The following TNS4 variants were observed in gnomAD, a reference collection of about 807,000 sequenced individuals.
TNS4 encodes tensin 4, also known as tensin-4.
Under a neutral mutation model 70.4 loss-of-function variants are expected in TNS4, and 46 were observed. The ratio of observed to expected loss-of-function variants is 0.65; its 90% confidence interval spans 0.52 to 0.84. The LOEUF (loss-of-function observed/expected upper bound fraction) is 0.84. Among genes scored for constraint, TNS4 ranks in the 40% least tolerant of loss-of-function variants. The probability of loss-of-function intolerance (pLI) is 0.00; values close to 1 mark genes in which losing one functional copy is unlikely to be tolerated. For synonymous variants in TNS4, 390 were observed against 366.6 expected (o/e 1.06, Z -0.73); for missense variants, 863 against 907.0 (o/e 0.95, Z 0.62).
intron 7 of TNS4, 26 bp downstream of exon 7, chr17:40,482,298 G>A (rs762371642): frequency 1.2e-6 from 2 of 1,614,086 alleles, no homozygotes; most frequent in South Asian, 1.1e-5. Flanking sequence ...CCATCCCGGG[G>A]GAGCCTGGAG....
Position 40,488,748 on chromosome 17 carries a change from G to A in TNS4, c.661C>T (p.Leu221Phe). ...HQRPLPPSEG[L>F]SPRPPNSPSI... is the part of the protein sequence containing the mutation. Reference sequence around the variant, plus strand: ...GGGGAATTTGGGGGTCGAGGGGAGAGACCCTCTGAGGGGGGCAGAGGGCGC... The same window carrying A: ...GGGGAATTTGGGGGTCGAGGGGAGAAACCCTCTGAGGGGGGCAGAGGGCGC... Residue 221 changes from leucine to phenylalanine, a missense_variant, in exon 3 of 13, where the codon CTC (leucine) becomes TTC (phenylalanine). Transcript: ENST00000254051. 1 of 1,600,194 alleles carries A rather than the reference G, an allele frequency of 6.2e-7. No individual in the cohort carries two copies.
In TNS4 at chr17:40,476,044, G is replaced by GT. The variant is rs926697874; in HGVS notation, c.*1543dup. ...CAGGCCCAGGGCTGAAATCATAACC[G>GT]TCAGGCCCAGCCTTGGCCAAAGATA... is the stretch of plus-strand genomic sequence containing the variant. On this transcript the variant is annotated 3_prime_UTR_variant, in exon 13 of 13. Transcript: ENST00000254051. 1.3e-5 allele frequency: 2 copies of GT among 152,108 alleles called. No individual in the cohort carries two copies. Among genetic ancestry groups the GT allele is most frequent in the Non-Finnish European group, 2.9e-5 (2 of 68,018 alleles). The allele number at this position is 152,108 out of a possible 1,614,324, so 9.4% of individuals were successfully genotyped here.
chr17:40,477,991 C>T, intron 12 of TNS4: 1 of 599,446 alleles, frequency 1.7e-6, no homozygotes, highest in South Asian at 2.1e-5. Flanking sequence ...TGTGCATTCC[C>T]CATTAGAGTG....
At chr17:40,479,570 G>T in intron 10 of TNS4, 104 bp downstream of exon 10, 1 of 1,444,370 alleles carries the variant, frequency 6.9e-7, no homozygotes, top group Non-Finnish European at 9.3e-7. Context: ...GGGTCATCCA[G>T]AACCCTGAAC....
Position 40,496,496 on chromosome 17 carries a change from C to A in TNS4, c.-71G>T. On this transcript the variant is annotated 5_prime_UTR_variant, in exon 2 of 13. Transcript: ENST00000254051. ...CCTCACTGACATCCCAGAGATCTCACTTGCTAACCAGGAGCTCCCAGGATC... is the reference window on the plus strand; with the variant it reads ...CCTCACTGACATCCCAGAGATCTCAATTGCTAACCAGGAGCTCCCAGGATC... 1.3e-6 allele frequency: 2 copies of A among 1,483,278 alleles called. No homozygotes were observed. Among genetic ancestry groups the A allele is most frequent in the Non-Finnish European group, 1.8e-6 (2 of 1,110,548 alleles). The allele number at this position is 1,483,278 out of a possible 1,614,324, so 91.9% of individuals were successfully genotyped here.
chr17:40,487,082 G>T lies in TNS4; in HGVS notation c.1242C>A (p.Ser414Arg). 1.2e-6 allele frequency: 2 copies of T among 1,614,226 alleles called. No homozygotes were observed. Reference sequence around the variant, plus strand: ...GGGCATCTGACAGGGTCTGGCTGTTGCTCCTGGTGGCTGGACAGGGGTTGC... The same window carrying T: ...GGGCATCTGACAGGGTCTGGCTGTTTCTCCTGGTGGCTGGACAGGGGTTGC... ...SPSNPCPATRSNSQTLSDAPF... is the reference protein window; with the variant it reads ...SPSNPCPATRRNSQTLSDAPF... The change falls in exon 4 of 13, where the codon AGC becomes AGA. Residue 414 changes from serine (S) to arginine (R), a missense_variant. By Grantham distance (110) the Ser-to-Arg change is moderately radical. Coordinates refer to ENST00000254051, the MANE Select transcript of TNS4 (RefSeq NM_032865.6).
At chr17:40,488,459 A>G in intron 3 of TNS4, 87 bp downstream of exon 3, 1 of 1,332,920 alleles carries the variant, frequency 7.5e-7, no homozygotes, top group South Asian at 2.3e-5. Flanking sequence ...GCTCAGACAG[A>G]GCAGGGTCCC....
In TNS4 at chr17:40,482,148, T is replaced by A. The variant is rs1324071249; in HGVS notation, c.1653A>T (p.Lys551Asn). 1.2e-6 allele frequency: 2 copies of A among 1,614,000 alleles called. No homozygotes were observed. Among genetic ancestry groups the A allele is most frequent in the African/African-American group, 2.7e-5 (2 of 74,922 alleles). ...ACCCACCTCTCTGTGGGATGGTGAG[T>A]TTGCAGGGCAGGGCCAGGGCCATGA... Reference protein sequence around the residue: ...HSIMALALPCKLTIPQRELGG... With the variant: ...HSIMALALPCNLTIPQRELGG... The change falls in exon 8 of 13, where the codon AAA (lysine) becomes AAT (asparagine). Residue 551 changes from lysine to asparagine, a missense_variant. Lys to Asn is a moderately conservative substitution (Grantham distance 94). Transcript: ENST00000254051.
chr17:40,499,513 G>A (rs2036186576), intron 1 of TNS4, among the ~76,000 whole-genome samples: 1 of 152,260 alleles, frequency 6.6e-6, no homozygotes, highest in Non-Finnish European at 1.5e-5. Flanking sequence ...GAGGGGGCAT[G>A]ATTGGCTGAA....
rs749384644 is a variant in TNS4, at chr17:40,487,146, C to T, written c.1178G>A (p.Gly393Glu). ...TCCAGGTTGAACGGAGTTCTGGTGT[C>T]CTGGGGTCCGCTGGGGTGGAGAAGA... ...PGSSPPQRTP[G>E]HQNSVQPGAA... Residue 393 changes from glycine to glutamate, a missense_variant, in exon 4 of 13, where the codon GGA (glycine) becomes GAA (glutamate). Gly to Glu is a moderately conservative substitution (Grantham distance 98). Coordinates refer to ENST00000254051, the MANE Select transcript of TNS4 (RefSeq NM_032865.6). 1.9e-6 allele frequency: 3 copies of T among 1,614,142 alleles called. No homozygotes were observed. Among genetic ancestry groups the T allele is most frequent in the East Asian group, 2.2e-5 (1 of 44,884 alleles).
At chr17:40,492,265 A>G (rs2036082272) in intron 2 of TNS4, among the ~76,000 whole-genome samples, 1 of 152,178 alleles carries the variant, frequency 6.6e-6, no homozygotes. Context: ...TGACTGTGTG[A>G]CTGTGAGCCA....
chr17:40,495,701 T>C (rs866189775), intron 2 of TNS4, among the ~76,000 whole-genome samples: 1 of 152,198 alleles, frequency 6.6e-6, no homozygotes, highest in Admixed American at 6.5e-5. Context: ...GGCACGGCAC[T>C]GCACAAAACA....
intron 1 of TNS4, among the ~76,000 whole-genome samples, chr17:40,499,620 T>C (rs767493425): frequency 6.6e-6 from 1 of 152,244 alleles, no homozygotes; most frequent in Admixed American, 6.5e-5. Context: ...AGACTTTTCC[T>C]TGGCCAGGTC....
intron 1 of TNS4, among the ~76,000 whole-genome samples, chr17:40,499,853 G>A (rs1197402194): frequency 6.6e-6 from 1 of 152,212 alleles, no homozygotes; most frequent in Non-Finnish European, 1.5e-5. Context: ...TGGGGCTGCT[G>A]ACTTTGCAGA....
chr17:40,477,837 C>G, intron 12 of TNS4, 108 bp from the exon 13 acceptor site: 1 of 1,042,278 alleles, frequency 9.6e-7, no homozygotes, highest in Non-Finnish European at 1.4e-6. Context: ...CCTCCCTGCC[C>G]CTCCCTTAGC....
At chr17:40,495,757 C>A (rs2036134464) in intron 2 of TNS4, among the ~76,000 whole-genome samples, 1 of 152,128 alleles carries the variant, frequency 6.6e-6, no homozygotes, top group South Asian at 2.1e-4. Flanking sequence ...CATAGAAAAT[C>A]AGTATCTATC....
intron 2 of TNS4, 69 bp from the exon 3 acceptor site, chr17:40,489,038 A>G (rs978566068): frequency 1.4e-6 from 2 of 1,407,948 alleles, no homozygotes; most frequent in African/African-American, 2.9e-5. Context: ...AGAGGCTGGA[A>G]GTATCCTCAA....
chr17:40,486,751 C>G (rs554721895), intron 4 of TNS4, among the ~76,000 whole-genome samples: 1 of 152,116 alleles, frequency 6.6e-6, no homozygotes, highest in Non-Finnish European at 1.5e-5. Context: ...AGATCCAGCT[C>G]GGATGTCGCT....
At chr17:40,488,521 C>T in intron 3 of TNS4, 25 bp downstream of exon 3, 2 of 1,488,006 alleles carry the variant, frequency 1.3e-6, no homozygotes, top group Non-Finnish European at 8.9e-7. Context: ...TGTGTGTGTG[C>T]AATGTTAGAA....
Sources: allele counts gnomAD v4.1 joint callset (sites outside exome capture counted in the v4.1 genomes callset), GRCh38; gene constraint gnomAD v4.1.1; transcripts MANE v1.5; gene names NCBI Gene and HGNC (gene_info 2026-07-23, HGNC 2026-07-21).